The following STX16 variants were observed in gnomAD, a reference collection of about 807,000 sequenced individuals.
STX16 encodes syntaxin 16, also known as syntaxin-16.
A neutral mutation model predicts 42.7 loss-of-function variants in STX16; 28 were observed. That is an observed-to-expected ratio of 0.66 (90% CI 0.49 to 0.90). The LOEUF (loss-of-function observed/expected upper bound fraction) is 0.90, where lower values mean the gene tolerates loss of function less well. Ranked by LOEUF, STX16 falls within the 40% of genes least tolerant of loss-of-function variation. The pLI, the probability that STX16 is intolerant of heterozygous loss-of-function variation, is 0.00. For missense variants in STX16, 361 were observed against 420.9 expected (o/e 0.86, Z 1.24); for synonymous variants, 156 against 155.2 (o/e 1.00, Z -0.04).
At position 58,667,405 on chromosome 20, in the gene STX16, G is replaced by A. The variant is rs373539621; in HGVS notation, c.145-85G>A. On this transcript the variant is annotated intron_variant, in intron 2 of 8. Transcript: ENST00000371141. Reference sequence around the variant, plus strand: ...TTCACTCCTTTCTGTATCTTTTCAGGGAGTAACATTTAAGAGAGAGTAAGA... The same window carrying A: ...TTCACTCCTTTCTGTATCTTTTCAGAGAGTAACATTTAAGAGAGAGTAAGA... 1.7e-3 allele frequency: 1,809 copies of A among 1,091,530 alleles called. 42 individuals carry two copies. The South Asian group carries it at 0.021, about 13-fold the overall frequency. 67.6% of individuals were successfully genotyped at this position (1,091,530 alleles called of 1,614,324 possible).
intron 2 of STX16, among the ~76,000 whole-genome samples, chr20:58,661,303 C>A (rs80144292): frequency 2.6e-5 from 4 of 152,364 alleles, no homozygotes; most frequent in Admixed American, 1.3e-4. Flanking sequence ...TCCAGTCTTT[C>A]CTACTTCCTT....
At chr20:58,662,078 G>A (rs571253216) in intron 2 of STX16, among the ~76,000 whole-genome samples, 3 of 152,354 alleles carry the variant, frequency 2.0e-5, no homozygotes, top group East Asian at 3.9e-4. Context: ...CTCTTACCCA[G>A]GGAAGTGTCT....
At chr20:58,659,833 A>C (rs575293984) in intron 2 of STX16, among the ~76,000 whole-genome samples, 199 bp downstream of exon 2, 53 of 152,356 alleles carry the variant, frequency 3.5e-4, no homozygotes, top group Admixed American at 1.3e-3. Context: ...GATGATTTAA[A>C]AAAGGCTTTG....
At chr20:58,673,231 G>A (rs2084023331) in intron 7 of STX16, among the ~76,000 whole-genome samples, 1 of 152,112 alleles carries the variant, frequency 6.6e-6, no homozygotes. Flanking sequence ...GAGCTTACCT[G>A]GTGTTCTCTG....
intron 1 of STX16, among the ~76,000 whole-genome samples, chr20:58,658,201 C>T (rs1045162414): frequency 6.6e-6 from 1 of 152,070 alleles, no homozygotes; most frequent in African/African-American, 2.4e-5. Context: ...GATTAAATGC[C>T]AGGGAGCCGC....
chr20:58,669,254 C>G, intron 4 of STX16, 37 bp from the exon 5 acceptor site: 2 of 1,603,328 alleles, frequency 1.2e-6, no homozygotes, highest in Non-Finnish European at 1.7e-6. Context: ...GGGCTTCTCT[C>G]CCAGGCTTGC....
intron 7 of STX16, 146 bp downstream of exon 7, chr20:58,671,443 T>G (rs983455766): frequency 2.5e-5 from 10 of 399,136 alleles, no homozygotes; most frequent in East Asian, 1.4e-4. Context: ...TGTGGGTGTG[T>G]GTGTGTGTGT....
chr20:58,652,296 G>T (rs778638539), intron 1 of STX16, 158 bp downstream of exon 1: 11 of 1,091,126 alleles, frequency 1.0e-5, no homozygotes, highest in Non-Finnish European at 6.6e-6. Context: ...GGCATCTGTA[G>T]CCCTGGATGA....
rs748859200 is a variant in STX16 at position 58,669,389 on chromosome 20, G to A, written c.492G>A (p.Ser164=). 11 of 1,611,662 alleles carry A rather than the reference G, an allele frequency of 6.8e-6. No individual in the cohort carries two copies. The highest frequency in any genetic ancestry group is 5.5e-5 in the South Asian group (5 of 90,908). The change falls in exon 5 of 9, where the codon TCG becomes TCA. Residue 164 remains serine (S), a synonymous_variant. Transcript: ENST00000371141. ...GGCTGCTTGGGAACGTGGTGGCCTC[G>A]CTGGCGCAGGCCCTGCAGGAACTCT... ...EGRLLGNVVA[S]LAQALQELST... is the part of the protein sequence containing the mutation.
chr20:58,662,669 C>T (rs373116482), intron 2 of STX16, among the ~76,000 whole-genome samples: 6 of 152,020 alleles, frequency 3.9e-5, no homozygotes, highest in Non-Finnish European at 8.8e-5. Context: ...TGCCACCATG[C>T]GTGGCTATTT....
At chr20:58,652,380 C>G (rs531835924) in intron 1 of STX16, 3 of 589,488 alleles carry the variant, frequency 5.1e-6, no homozygotes, top group Admixed American at 2.3e-5. Context: ...CACCCCCCCC[C>G]CCGCACCCCC....
chr20:58,658,774 A>C (rs982803902), intron 1 of STX16, among the ~76,000 whole-genome samples: 4 of 152,206 alleles, frequency 2.6e-5, no homozygotes, highest in African/African-American at 9.7e-5. Flanking sequence ...ATGTTGATCT[A>C]AAAAAGAACC....
At position 58,676,532 on chromosome 20, in the gene STX16, G is replaced by C; in HGVS notation, c.*241G>C. The C allele has an allele frequency of 2.2e-6, 1 of 462,398 alleles. No individual in the cohort carries two copies. 28.6% of individuals were successfully genotyped at this position (462,398 alleles called of 1,614,324 possible). ...GGACCTTTGATACTGCTGCACAATA[G>C]AGATTGAGTTCTGGGATCAGTTATA... is the stretch of plus-strand genomic sequence containing the variant. On this transcript the variant is annotated 3_prime_UTR_variant, in exon 9 of 9. Transcript: ENST00000371141.
intron 4 of STX16, among the ~76,000 whole-genome samples, chr20:58,668,891 C>T (rs2083901284): frequency 6.6e-6 from 1 of 152,138 alleles, no homozygotes; most frequent in African/African-American, 2.4e-5. Context: ...GCCAATATGA[C>T]ACTCAAAGGA....
intron 8 of STX16, among the ~76,000 whole-genome samples, chr20:58,675,566 T>G (rs2084093226): frequency 6.6e-6 from 1 of 152,210 alleles, no homozygotes; most frequent in African/African-American, 2.4e-5. Flanking sequence ...CAGATTGAGC[T>G]TGGAGGGCTC....
rs150472830 is a variant in STX16, at chr20:58,670,246, G to A, written c.557-266G>A. Among the ~76,000 whole-genome samples the A allele has an allele frequency of 1.5e-3, 223 of 152,344 alleles. 9 individuals are homozygous for A. The East Asian group carries it at 0.041, about 28-fold the overall frequency. ...TTCACTTAGAGATTCTCAGATGGTTGTGTCATTTTTATCTTGGCATCAAGT... is the reference window on the plus strand; with the variant it reads ...TTCACTTAGAGATTCTCAGATGGTTATGTCATTTTTATCTTGGCATCAAGT... On this transcript the variant is annotated intron_variant, in intron 5 of 8. Transcript: ENST00000371141.
At chr20:58,658,814 G>A (rs1422496969) in intron 1 of STX16, among the ~76,000 whole-genome samples, 2 of 152,054 alleles carry the variant, frequency 1.3e-5, no homozygotes, top group African/African-American at 4.8e-5. Flanking sequence ...TTAACCCTCT[G>A]GTGTCATGCT....
intron 1 of STX16, among the ~76,000 whole-genome samples, 175 bp from the exon 2 acceptor site, chr20:58,659,445 TTTA>T (rs2083648940): frequency 1.3e-5 from 2 of 150,302 alleles, no homozygotes; most frequent in African/African-American, 4.9e-5. Flanking sequence ...TGTAGCTTAA[TTTA>T]AAAAAAAAAA....
intron 1 of STX16, among the ~76,000 whole-genome samples, chr20:58,654,519 G>A (rs549027485): frequency 1.3e-5 from 2 of 152,252 alleles, no homozygotes; most frequent in African/African-American, 4.8e-5. Context: ...AACTTTTCTG[G>A]AAGTTGGAAA....
Sources: gnomAD v4.1 joint callset for allele counts (sites outside exome capture counted in the v4.1 genomes callset) on GRCh38, gnomAD v4.1.1 for gene constraint, MANE v1.5 for transcripts, NCBI Gene and HGNC (gene_info 2026-07-23, HGNC 2026-07-21) for gene names.